Variants in TLK2 observed in about 807,000 individuals in gnomAD.
TLK2 encodes tousled like kinase 2.
In TLK2, 6 loss-of-function variants were observed where a neutral mutation model predicts 117.3. The observed-to-expected ratio is 0.05, with a 90% confidence interval of 0.03 to 0.10. The LOEUF is 0.10. Among genes scored for constraint, TLK2 ranks in the 10% least tolerant of loss-of-function variants. TLK2 has a pLI of 1.00. For missense variants in TLK2, 299 were observed against 901.2 expected, an observed-to-expected ratio of 0.33 and a Z score of 8.56; for synonymous variants, 257 against 316.7, an observed-to-expected ratio of 0.81 and a Z score of 2.00.
At chr17:62,499,343 A>C (rs1432591892) in intron 2 of TLK2, among the ~76,000 whole-genome samples, 1 of 151,678 alleles carries the variant, frequency 6.6e-6, no homozygotes, top group East Asian at 2.0e-4. Context: ...CACAAACAAA[A>C]AAAAAAGGAC....
intron 19 of TLK2, among the ~76,000 whole-genome samples, chr17:62,604,576 G>A (rs544675309): frequency 6.6e-6 from 1 of 152,216 alleles, no homozygotes; most frequent in East Asian, 1.9e-4. Flanking sequence ...AAAGGGATTT[G>A]CCAGACATGT....
At position 62,582,105 on chromosome 17, in the gene TLK2, C is replaced by T. The variant is rs1263693020; in HGVS notation, c.1368+1913C>T. Among the ~76,000 whole-genome samples, 4 of 152,254 alleles carry T rather than the reference C, an allele frequency of 2.6e-5. No homozygotes were observed. The East Asian group carries it at 7.7e-4, about 29-fold the overall frequency. On this transcript the variant is annotated intron_variant, in intron 15 of 21. Coordinates refer to ENST00000346027, the MANE Select transcript of TLK2 (RefSeq NM_006852.6). ...CTACAAAGAAAGAAAAGAAAAATCT[C>T]CTGGGAGATGTTGAGTTAGTGGAAA...
chr17:62,522,740 A>G (rs1598369840), intron 4 of TLK2, among the ~76,000 whole-genome samples: 1 of 152,322 alleles, frequency 6.6e-6, no homozygotes, highest in East Asian at 1.9e-4. Context: ...AATGCCAAAT[A>G]TCTTTATATA....
intron 12 of TLK2, among the ~76,000 whole-genome samples, chr17:62,575,078 A>C (rs1211384259): frequency 6.6e-6 from 1 of 152,220 alleles, no homozygotes; most frequent in Non-Finnish European, 1.5e-5. Context: ...CTAATGCACA[A>C]AACCATTGGC....
At chr17:62,515,850 T>G (rs1435988690) in intron 2 of TLK2, among the ~76,000 whole-genome samples, 1 of 152,232 alleles carries the variant, frequency 6.6e-6, no homozygotes, top group East Asian at 1.9e-4. Context: ...TTATGTATTT[T>G]TACTGTTTTT....
At chr17:62,562,510 A>T (rs1326320687) in intron 10 of TLK2, among the ~76,000 whole-genome samples, 1 of 152,234 alleles carries the variant, frequency 6.6e-6, no homozygotes, top group Admixed American at 6.5e-5. Context: ...CAGATAGTTT[A>T]CAAAAAAAGA....
At chr17:62,497,151 C>T (rs2073783245) in intron 2 of TLK2, among the ~76,000 whole-genome samples, 1 of 151,762 alleles carries the variant, frequency 6.6e-6, no homozygotes, top group African/African-American at 2.4e-5. Context: ...CCATCTGCAT[C>T]TGTCCGGGAG....
intron 11 of TLK2, among the ~76,000 whole-genome samples, chr17:62,567,979 GTAGCT>G (rs1418636834): frequency 6.6e-6 from 1 of 152,080 alleles, no homozygotes; most frequent in Non-Finnish European, 1.5e-5. Context: ...TTTTGAAAAA[GTAGCT>G]TATTTTATAG....
intron 20 of TLK2, 25 bp from the exon 21 acceptor site, chr17:62,608,016 T>G: frequency 6.3e-7 from 1 of 1,583,712 alleles, no homozygotes; most frequent in Non-Finnish European, 8.6e-7. Flanking sequence ...GAGGCCTACA[T>G]TATTTGTTTG....
intron 7 of TLK2, among the ~76,000 whole-genome samples, chr17:62,547,922 C>T (rs549431929): frequency 1.3e-5 from 2 of 152,234 alleles, no homozygotes; most frequent in African/African-American, 4.8e-5. Flanking sequence ...AAATGGTAAC[C>T]TTAGATAGTC....
intron 16 of TLK2, among the ~76,000 whole-genome samples, chr17:62,593,021 G>A (rs1439636648): frequency 1.3e-5 from 2 of 152,130 alleles, no homozygotes; most frequent in Admixed American, 1.3e-4. Flanking sequence ...CGAGCTATGG[G>A]GAGCAGCTGT....
intron 5 of TLK2, among the ~76,000 whole-genome samples, chr17:62,523,633 T>C (rs1598375172): frequency 1.3e-5 from 2 of 152,150 alleles, no homozygotes; most frequent in South Asian, 2.1e-4. Flanking sequence ...CTTCTTCCCT[T>C]TCTCCCCATC....
chr17:62,485,663 A>G (rs1201730653), intron 2 of TLK2, among the ~76,000 whole-genome samples: 1 of 144,170 alleles, frequency 6.9e-6, no homozygotes, highest in Non-Finnish European at 1.5e-5. Context: ...GTTTTCTGTC[A>G]TGAACTGATG....
intron 2 of TLK2, among the ~76,000 whole-genome samples, chr17:62,493,924 A>G (rs752431658): frequency 2.5e-4 from 38 of 151,776 alleles, no homozygotes; most frequent in South Asian, 6.3e-4. Flanking sequence ...TGCCCGGCTA[A>G]TTTTTGTATT....
intron 6 of TLK2, among the ~76,000 whole-genome samples, chr17:62,533,370 GT>G (rs2076874740): frequency 2.8e-5 from 4 of 143,518 alleles, no homozygotes; most frequent in Non-Finnish European, 1.5e-5. Context: ...TATACGGGGT[GT>G]GTGTGTGTGT....
chr17:62,594,689 A>G (rs1446485152), intron 16 of TLK2, among the ~76,000 whole-genome samples: 3 of 151,848 alleles, frequency 2.0e-5, no homozygotes, highest in Non-Finnish European at 4.4e-5. Flanking sequence ...TTACCCACTC[A>G]TTCCCCACTC....
chr17:62,509,113 G>C (rs1484092235), intron 2 of TLK2, among the ~76,000 whole-genome samples: 2 of 152,100 alleles, frequency 1.3e-5, no homozygotes, highest in African/African-American at 4.8e-5. Flanking sequence ...TTTCGAGACA[G>C]GGTCTTGCTC....
At chr17:62,489,625 G>C (rs975048395) in intron 2 of TLK2, among the ~76,000 whole-genome samples, 2 of 151,822 alleles carry the variant, frequency 1.3e-5, no homozygotes, top group African/African-American at 4.8e-5. Flanking sequence ...TTACAGGTGT[G>C]AGCTACCATG....
chr17:62,510,435 A>G (rs1242167572), intron 2 of TLK2, among the ~76,000 whole-genome samples: 3 of 152,160 alleles, frequency 2.0e-5, no homozygotes, highest in Non-Finnish European at 4.4e-5. Context: ...TGATCTTCTT[A>G]TGCTTTCCTC....
Sources: gnomAD v4.1 joint callset for allele counts (sites outside exome capture counted in the v4.1 genomes callset) on GRCh38, gnomAD v4.1.1 for gene constraint, MANE v1.5 for transcripts, NCBI Gene and HGNC (gene_info 2026-07-23, HGNC 2026-07-21) for gene names.